IL17RA: variants seen among roughly 807,000 people sequenced by gnomAD.
IL17RA encodes the protein interleukin 17 receptor A.
IL17RA carries 34 observed loss-of-function variants against 50.4 expected under a neutral mutation model. The observed-to-expected ratio is 0.67, with a 90% CI of 0.51 to 0.90. The LOEUF is 0.90. Ranked by LOEUF, IL17RA falls within the 40% of genes least tolerant of loss-of-function variation. IL17RA has a pLI of 0.00. For missense variants in IL17RA, 1,276 were observed against 1,169.8 expected (o/e 1.09, Z -1.32); for synonymous variants, 585 against 510.4 (o/e 1.15, Z -1.97).
At chr22:17,086,569 G>A (rs2061329133) in intron 1 of IL17RA, among the ~76,000 whole-genome samples, 1 of 152,086 alleles carries the variant, frequency 6.6e-6, no homozygotes, top group South Asian at 2.1e-4. Flanking sequence ...CGCCATACTG[G>A]GAACTGGAAC....
intron 1 of IL17RA, among the ~76,000 whole-genome samples, chr22:17,095,656 G>A (rs1030304655): frequency 4.6e-5 from 7 of 152,154 alleles, no homozygotes; most frequent in African/African-American, 1.7e-4. Context: ...GAGGACTCAG[G>A]GGAGTTAATC....
At chr22:17,096,063 C>A (rs1227063497) in intron 1 of IL17RA, among the ~76,000 whole-genome samples, 3 of 152,154 alleles carry the variant, frequency 2.0e-5, no homozygotes, top group Admixed American at 6.5e-5. Flanking sequence ...TTCTGGTCTG[C>A]CTCAGCATCT....
At chr22:17,104,565 G>A (rs185454826) in intron 8 of IL17RA, among the ~76,000 whole-genome samples, 161 bp from the exon 9 acceptor site, 19 of 152,218 alleles carry the variant, frequency 1.2e-4, no homozygotes, top group African/African-American at 4.3e-4. Context: ...CCTCACCTGG[G>A]CAGGGGTTCG....
intron 1 of IL17RA, among the ~76,000 whole-genome samples, chr22:17,087,575 G>A (rs932142799): frequency 6.6e-6 from 1 of 152,254 alleles, no homozygotes. Context: ...GGTCAGCTCT[G>A]CTTGGAAGGT....
chr22:17,088,094 C>A (rs5748862), intron 1 of IL17RA, among the ~76,000 whole-genome samples: 2 of 152,174 alleles, frequency 1.3e-5, no homozygotes, highest in African/African-American at 4.8e-5. Flanking sequence ...CAGGATGAAC[C>A]TGCTTTTGAG....
At chr22:17,100,540 A>C in intron 5 of IL17RA, 59 bp downstream of exon 5, 2 of 1,600,220 alleles carry the variant, frequency 1.2e-6, no homozygotes, top group Non-Finnish European at 1.7e-6. Context: ...AGGAAGCACC[A>C]GGTGGCACAG....
chr22:17,096,331 C>T (rs1034637188), intron 1 of IL17RA, among the ~76,000 whole-genome samples: 6 of 152,146 alleles, frequency 3.9e-5, no homozygotes, highest in South Asian at 2.1e-4. Flanking sequence ...CACGATCACC[C>T]GGAACAGGGC....
At chr22:17,105,828 AC>A (rs773943636) in intron 10 of IL17RA, 24 bp from the exon 11 acceptor site, 20 of 392,616 alleles carry the variant, frequency 5.1e-5, no homozygotes, top group East Asian at 4.5e-4. Flanking sequence ...CCGCCGCATC[AC>A]TCACGCTGTT....
chr22:17,085,335 G>A (rs1179020345), intron 1 of IL17RA, 106 bp downstream of exon 1: 3 of 1,501,940 alleles, frequency 2.0e-6, no homozygotes, highest in Non-Finnish European at 1.8e-6. Context: ...GGGGAGGCAG[G>A]AAGTCCGCGC....
At chr22:17,085,485 C>T (rs193113393) in intron 1 of IL17RA, among the ~76,000 whole-genome samples, 2 of 152,158 alleles carry the variant, frequency 1.3e-5, no homozygotes, top group East Asian at 1.9e-4. Flanking sequence ...CAACCTGGCC[C>T]GCCGTCGTGA....
Position 17,108,548 on chromosome 22 carries a change from C to A in IL17RA, c.1329C>A (p.Ile443=), listed in dbSNP as rs778035690. 3 of 1,609,498 alleles carry A rather than the reference C, an allele frequency of 1.9e-6. No homozygotes were observed. The highest frequency in any genetic ancestry group is 8.5e-7 in the Non-Finnish European group (1 of 1,180,010). ...AGATGGTGGAGAGCAACTCTAAGAT[C>A]ATCGTCCTGTGCTCCCGCGGCACGC... ...KQEMVESNSK[I]IVLCSRGTRA... The change falls in exon 13 of 13, where the codon ATC becomes ATA. Residue 443 remains isoleucine, a synonymous_variant. Coordinates refer to ENST00000319363, the MANE Select transcript of IL17RA (RefSeq NM_014339.7).
chr22:17,102,776 C>T (rs921035560), intron 7 of IL17RA, among the ~76,000 whole-genome samples: 9 of 152,066 alleles, frequency 5.9e-5, no homozygotes, highest in African/African-American at 2.2e-4. Context: ...ACTGCACCCA[C>T]TCTGGGGGAC....
chr22:17,100,201 T>C (rs910621981), intron 4 of IL17RA, among the ~76,000 whole-genome samples, 154 bp from the exon 5 acceptor site: 1 of 149,710 alleles, frequency 6.7e-6, no homozygotes, highest in Non-Finnish European at 1.5e-5. Flanking sequence ...ACAAAGATAC[T>C]GATTTCCCTG....
Position 17,110,369 on chromosome 22 carries a change from A to G in IL17RA, c.*549A>G, listed in dbSNP as rs960364017. 10 of 178,184 alleles carry G rather than the reference A, an allele frequency of 5.6e-5. No homozygotes were observed. Among genetic ancestry groups the G allele is most frequent in the African/African-American group, 2.4e-4 (10 of 41,594 alleles). The allele number at this position is 178,184 out of a possible 1,614,324, so 11.0% of individuals were successfully genotyped here. A position where few individuals can be genotyped will look rare whatever the true frequency, so the allele number is the denominator to read the frequency against. On this transcript the variant is annotated 3_prime_UTR_variant, in exon 13 of 13. Transcript: ENST00000319363. Reference sequence around the variant, plus strand: ...AAAAATTAGCCGGGCATGGTGACACATGCCTGTAGTCCTAGCTACTTGGGA... The same window carrying G: ...AAAAATTAGCCGGGCATGGTGACACGTGCCTGTAGTCCTAGCTACTTGGGA...
rs560010216 is a variant in IL17RA, at chr22:17,110,345, A to G, written c.*525A>G. ...AAACCCCATCTCCACTAAAAATAGA[A>G]AAATTAGCCGGGCATGGTGACACAT... On this transcript the variant is annotated 3_prime_UTR_variant, in exon 13 of 13. Transcript: ENST00000319363. 5.6e-6 allele frequency: 1 copy of G among 179,390 alleles called. No individual in the cohort carries two copies. The highest frequency in any genetic ancestry group is 1.0e-4 in the South Asian group (1 of 9,822). 11.1% of individuals were successfully genotyped at this position (179,390 alleles called of 1,614,324 possible).
Position 17,108,921 on chromosome 22 carries a change from C to T in IL17RA, c.1702C>T (p.Arg568Cys), listed in dbSNP as rs770556877. The T allele has an allele frequency of 2.5e-6, 4 of 1,611,468 alleles. No individual in the cohort carries two copies. Among genetic ancestry groups the T allele is most frequent in the East Asian group, 4.5e-5 (2 of 44,798 alleles). Reference sequence around the variant, plus strand: ...GCGGAGCCCGGGCGGCAGGCAGCTCCGCGCCGCCCTGGACAGGTTCCGGGA... The same window carrying T: ...GCGGAGCCCGGGCGGCAGGCAGCTCTGCGCCGCCCTGGACAGGTTCCGGGA... ...YLRSPGGRQL[R>C]AALDRFRDWQ... Residue 568 changes from arginine to cysteine, a missense_variant, in exon 13 of 13, where the codon CGC becomes TGC. Coordinates refer to ENST00000319363, the MANE Select transcript of IL17RA (RefSeq NM_014339.7).
chr22:17,100,141 T>TAAAAAAAAAAAAAAAAAAAAAAAAAA (rs35718705), intron 4 of IL17RA, among the ~76,000 whole-genome samples: 1 of 121,556 alleles, frequency 8.2e-6, no homozygotes. Context: ...GATCCAGGTT[T>TAAAAAAAAAAAAAAAAAAAAAAAAAA]AAAAAAAAAA....
chr22:17,100,772 C>A (rs192091235), intron 5 of IL17RA, among the ~76,000 whole-genome samples: 1 of 152,210 alleles, frequency 6.6e-6, no homozygotes, highest in Non-Finnish European at 1.5e-5. Flanking sequence ...AAGCACCCAG[C>A]CTGCCCAGAA....
rs184015696 is a variant in IL17RA, at chr22:17,099,364, A to T, written c.423+477A>T. 2.5e-4 allele frequency among the ~76,000 whole-genome samples: 38 copies of T among 152,276 alleles called. 2 individuals carry two copies. The East Asian group carries it at 6.8e-3, about 27-fold the overall frequency. On this transcript the variant is annotated intron_variant, in intron 4 of 12. Coordinates refer to ENST00000319363, the MANE Select transcript of IL17RA (RefSeq NM_014339.7). ...GTCTCATTTTGCTGCTCACAGCTAA[A>T]TGGTGAAATGTTGATTCTTGTTTAA...
Sources: allele counts gnomAD v4.1 joint callset (sites outside exome capture counted in the v4.1 genomes callset), GRCh38; gene constraint gnomAD v4.1.1; transcripts MANE v1.5; gene names NCBI Gene and HGNC (gene_info 2026-07-23, HGNC 2026-07-21).